Variants in EZH2 observed in about 807,000 individuals in gnomAD.
EZH2 encodes the protein enhancer of zeste 2 polycomb repressive complex 2 subunit.
A neutral mutation model predicts 98.4 loss-of-function variants in EZH2; 18 were observed. The observed-to-expected ratio is 0.18, with a 90% CI of 0.13 to 0.27. The LOEUF is 0.27. Among genes scored for constraint, EZH2 ranks in the 10% least tolerant of loss-of-function variants. The pLI is 1.00. For synonymous variants in EZH2, 338 were observed against 312.3 expected (o/e 1.08, Z -0.87); for missense variants, 470 against 935.1 (o/e 0.50, Z 6.49).
chr7:148,840,562 T>C (rs982611023), intron 3 of EZH2, among the ~76,000 whole-genome samples: 5 of 152,232 alleles, frequency 3.3e-5, no homozygotes, highest in African/African-American at 1.2e-4. Flanking sequence ...CAATAATCAT[T>C]TTACAATGAT....
intron 1 of EZH2, among the ~76,000 whole-genome samples, chr7:148,876,509 C>T (rs1051213994): frequency 7.9e-5 from 12 of 152,068 alleles, no homozygotes; most frequent in Non-Finnish European, 1.3e-4. Context: ...CTTGACAACA[C>T]CTATTAAAAC....
intron 1 of EZH2, among the ~76,000 whole-genome samples, chr7:148,875,830 T>C (rs1820092152): frequency 6.6e-6 from 1 of 152,212 alleles, no homozygotes; most frequent in African/African-American, 2.4e-5. Context: ...ATTTAAAAAC[T>C]GTAGCACATG....
chr7:148,809,854 A>G (rs73745391), intron 17 of EZH2, among the ~76,000 whole-genome samples: 3,737 of 152,314 alleles, frequency 0.025, 144 homozygotes, highest in African/African-American at 0.086. Flanking sequence ...TAATCCCACC[A>G]GAAACATCCC....
intron 2 of EZH2, 45 bp downstream of exon 2, chr7:148,847,137 C>T (rs1222683792): frequency 1.3e-6 from 2 of 1,560,900 alleles, no homozygotes; most frequent in African/African-American, 2.8e-5. Flanking sequence ...GGGAAAAAAC[C>T]TATCCTTAAT....
At chr7:148,814,210 G>T in intron 14 of EZH2, 73 bp from the exon 15 acceptor site, 1 of 1,360,528 alleles carries the variant, frequency 7.4e-7, no homozygotes, top group South Asian at 1.3e-5. Context: ...CGTGGCAAGG[G>T]CTGTACTGGG....
At chr7:148,850,773 A>G (rs1443896866) in intron 1 of EZH2, among the ~76,000 whole-genome samples, 5 of 152,156 alleles carry the variant, frequency 3.3e-5, no homozygotes, top group Admixed American at 3.3e-4. Flanking sequence ...CCAACCCCAC[A>G]GCGGATGCCT....
intron 1 of EZH2, among the ~76,000 whole-genome samples, chr7:148,881,335 G>C (rs1266530731): frequency 2.6e-5 from 4 of 152,136 alleles, no homozygotes; most frequent in African/African-American, 4.8e-5. Flanking sequence ...GAAAATTCCA[G>C]TATGACTTGG....
intron 1 of EZH2, among the ~76,000 whole-genome samples, chr7:148,872,330 G>C (rs996266371): frequency 6.6e-5 from 10 of 152,138 alleles, no homozygotes; most frequent in African/African-American, 2.2e-4. Context: ...CAAGAATTTG[G>C]GGGGAGGGGG....
chr7:148,821,497 A>AC (rs1554492738), intron 8 of EZH2, among the ~76,000 whole-genome samples: 1 of 152,044 alleles, frequency 6.6e-6, no homozygotes, highest in Non-Finnish European at 1.5e-5. Context: ...CATACCACTA[A>AC]TTTTTTTTAA....
intron 1 of EZH2, 109 bp downstream of exon 1, chr7:148,884,055 G>T (rs938995805): frequency 6.6e-6 from 1 of 151,980 alleles, no homozygotes; most frequent in South Asian, 2.0e-4. Context: ...CCCGCTCGGC[G>T]ATACCCGGGA....
At chr7:148,815,606 G>A in intron 12 of EZH2, 60 bp from the exon 13 acceptor site, 6 of 1,445,822 alleles carry the variant, frequency 4.1e-6, no homozygotes, top group Non-Finnish European at 4.9e-6. Context: ...ATCCAACAGA[G>A]AGCTGCTTAA....
At chr7:148,813,200 T>C (rs1803626305) in intron 15 of EZH2, among the ~76,000 whole-genome samples, 1 of 152,086 alleles carries the variant, frequency 6.6e-6, no homozygotes, top group Non-Finnish European at 1.5e-5. Context: ...TACTCCTCAC[T>C]CACAGGGTTA....
rs141240077 is a variant in EZH2 at position 148,814,175 on chromosome 7, G to A, written c.1673-38C>T. ...GTTTGGAGGTTCTTCACTCATCACC[G>A]TATGCAAAAACTTGCAGAAAGATAC... On this transcript the variant is annotated intron_variant, in intron 14 of 19. Coordinates refer to ENST00000320356, the MANE Select transcript of EZH2 (RefSeq NM_004456.5). 44 of 1,594,770 alleles carry A rather than the reference G, an allele frequency of 2.8e-5. 1 individual carries two copies. Among genetic ancestry groups the A allele is most frequent in the East Asian group, 2.7e-4 (12 of 44,604 alleles).
chr7:148,814,201 G>T (rs979378449), intron 14 of EZH2, 64 bp from the exon 15 acceptor site: 48 of 1,499,242 alleles, frequency 3.2e-5, no homozygotes, highest in Non-Finnish European at 4.2e-5. Flanking sequence ...AGAAAGATAC[G>T]TGGCAAGGGC....
At chr7:148,867,093 G>A (rs568118608) in intron 1 of EZH2, among the ~76,000 whole-genome samples, 9 of 151,626 alleles carry the variant, frequency 5.9e-5, no homozygotes, top group South Asian at 4.2e-4. Flanking sequence ...TTGGGAAGCC[G>A]AGGCAGGCAG....
chr7:148,830,346 C>T (rs934711111), intron 4 of EZH2, among the ~76,000 whole-genome samples: 13 of 152,194 alleles, frequency 8.5e-5, no homozygotes, highest in Middle Eastern at 3.4e-3. Flanking sequence ...AGTTTTAACG[C>T]GCACTTTAGA....
At chr7:148,810,137 C>T in intron 17 of EZH2, 196 bp downstream of exon 17, 1 of 457,454 alleles carries the variant, frequency 2.2e-6, no homozygotes, top group Non-Finnish European at 4.0e-6. Flanking sequence ...GAGGCGGTTT[C>T]CTGCACATCT....
intron 9 of EZH2, chr7:148,819,043 T>A (rs1273958629): frequency 8.8e-6 from 4 of 456,556 alleles, no homozygotes; most frequent in Non-Finnish European, 1.8e-5. Context: ...ACCCATTTAG[T>A]TCCTAGGTAG....
chr7:148,819,723 T>C (rs781404163), intron 8 of EZH2, 36 bp from the exon 9 acceptor site: 3 of 1,554,744 alleles, frequency 1.9e-6, no homozygotes, highest in Non-Finnish European at 2.7e-6. Context: ...CTAATATAAC[T>C]ATAAAATACT....
Sources: gnomAD v4.1 joint callset for allele counts (sites outside exome capture counted in the v4.1 genomes callset) on GRCh38, gnomAD v4.1.1 for gene constraint, MANE v1.5 for transcripts, NCBI Gene and HGNC (gene_info 2026-07-23, HGNC 2026-07-21) for gene names.